SLC12A8: variants seen among roughly 807,000 people sequenced by gnomAD.
SLC12A8 encodes the protein solute carrier family 12 member 8, also known as cation-chloride cotransporter 9.
In SLC12A8, 69 loss-of-function variants were observed where a neutral mutation model predicts 75.6. That is an observed-to-expected ratio of 0.91 (90% confidence interval 0.75 to 1.11). The LOEUF (loss-of-function observed/expected upper bound fraction) is 1.11, where lower values mean the gene tolerates loss of function less well. SLC12A8 is among the 50% of genes most tolerant of loss of function. The pLI, the probability that SLC12A8 is intolerant of heterozygous loss-of-function variation, is 0.00. For missense variants in SLC12A8, 877 were observed against 896.7 expected (o/e 0.98, Z 0.28); for synonymous variants, 365 against 372.8 (o/e 0.98, Z 0.24).
chr3:125,139,561 C>T (rs534682613), intron 5 of SLC12A8, among the ~76,000 whole-genome samples: 1 of 152,216 alleles, frequency 6.6e-6, no homozygotes, highest in Non-Finnish European at 1.5e-5. Context: ...GGTCCCCATC[C>T]TGCCTGCTGG....
At chr3:125,091,624 T>A in intron 11 of SLC12A8, 68 bp from the exon 12 acceptor site, 1 of 1,011,134 alleles carries the variant, frequency 9.9e-7, no homozygotes, top group South Asian at 1.3e-5. Flanking sequence ...GCCACAAGGC[T>A]AATGTCTTCA....
Position 125,134,098 on chromosome 3 carries a change from G to A in SLC12A8, c.736+1571C>T, listed in dbSNP as rs564955077. ...ATTCACCTATATTGTTGTGTGTATC[G>A]ATAGTTATTTTTCTTTGTTTAGAGA... On this transcript the variant is annotated intron_variant, in intron 6 of 13. Coordinates refer to ENST00000469902, the MANE Select transcript of SLC12A8 (RefSeq NM_024628.6). Among the ~76,000 whole-genome samples the A allele has an allele frequency of 3.7e-4, 56 of 151,744 alleles. 1 individual carries two copies. Among genetic ancestry groups the A allele is most frequent in the African/African-American group, 1.3e-3 (54 of 41,336 alleles).
chr3:125,187,393 C>T lies in SLC12A8; in HGVS notation c.234G>A (p.Val78=). Residue 78 remains valine (V), a synonymous_variant, in exon 4 of 14, where the codon GTG becomes GTA. Transcript: ENST00000469902. ...NTGVLLGMFL[V]SFVILVALVT... is the part of the protein sequence containing the mutation. The stretch of plus-strand genomic sequence containing the variant: ...CGAGGGCCACCAGGATGACGAAGGA[C>T]ACCAGGAACATGCCCAGGAGCACTC... The T allele has an allele frequency of 1.2e-6, 2 of 1,614,194 alleles. No homozygotes were observed. The highest frequency in any genetic ancestry group is 8.5e-7 in the Non-Finnish European group (1 of 1,180,036).
intron 5 of SLC12A8, among the ~76,000 whole-genome samples, chr3:125,149,701 G>A (rs1347982044): frequency 1.3e-5 from 2 of 152,094 alleles, no homozygotes; most frequent in Non-Finnish European, 2.9e-5. Flanking sequence ...GGGAGAGAAA[G>A]AGAAGAAATG....
intron 2 of SLC12A8, among the ~76,000 whole-genome samples, chr3:125,195,819 C>T (rs963891009): frequency 6.6e-6 from 1 of 152,168 alleles, no homozygotes; most frequent in African/African-American, 2.4e-5. Context: ...TGGCAAATGA[C>T]AAAACCCCAC....
intron 5 of SLC12A8, among the ~76,000 whole-genome samples, chr3:125,145,005 G>T (rs1428084238): frequency 6.6e-6 from 1 of 152,154 alleles, no homozygotes; most frequent in East Asian, 1.9e-4. Flanking sequence ...TCCTACCCAA[G>T]AAACAAAGCA....
At chr3:125,193,377 A>T (rs534230438) in intron 2 of SLC12A8, among the ~76,000 whole-genome samples, 36 of 152,274 alleles carry the variant, frequency 2.4e-4, no homozygotes, top group African/African-American at 8.2e-4. Context: ...CTCAAAAAAA[A>T]AGAAGTAGCA....
In SLC12A8 at chr3:125,120,633, T is replaced by A. The variant is rs756074195; in HGVS notation, c.790A>T (p.Ile264Phe). ...ACAGCTGCCAGGGAGCCCAGGGGAA[T>A]GCTGGCGGCAGGCTCCCTGAGGTCG... ...GGDLREPAAS[I>F]PLGSLAAVGI... Residue 264 changes from isoleucine (I) to phenylalanine (F), a missense_variant, in exon 7 of 14, where the codon ATT becomes TTT. By Grantham distance (21) the Ile-to-Phe change is conservative. Coordinates refer to ENST00000469902, the MANE Select transcript of SLC12A8 (RefSeq NM_024628.6). 3.2e-5 allele frequency: 51 copies of A among 1,613,572 alleles called. No individual in the cohort carries two copies. Among genetic ancestry groups the A allele is most frequent in the African/African-American group, 5.3e-5 (4 of 74,868 alleles).
chr3:125,141,733 G>A (rs1014419926), intron 5 of SLC12A8, among the ~76,000 whole-genome samples: 6 of 152,156 alleles, frequency 3.9e-5, no homozygotes, highest in African/African-American at 1.4e-4. Flanking sequence ...TTCCGGCGGC[G>A]CTCTCTTCTG....
intron 8 of SLC12A8, among the ~76,000 whole-genome samples, chr3:125,114,455 C>T (rs577701104): frequency 8.5e-5 from 13 of 152,320 alleles, no homozygotes; most frequent in African/African-American, 7.2e-5. Context: ...GACAGAGTTT[C>T]GCACTGTTGC....
At chr3:125,157,211 T>C (rs1446667918) in intron 5 of SLC12A8, among the ~76,000 whole-genome samples, 1 of 152,186 alleles carries the variant, frequency 6.6e-6, no homozygotes, top group African/African-American at 2.4e-5. Context: ...TTAATAAAAA[T>C]AAGTTAAAAT....
At chr3:125,187,092 A>C (rs951049093) in intron 4 of SLC12A8, 145 bp downstream of exon 4, 1 of 748,008 alleles carries the variant, frequency 1.3e-6, no homozygotes, top group Non-Finnish European at 2.2e-6. Context: ...CTCTCTGCTG[A>C]ATTCCCTTCA....
intron 4 of SLC12A8, among the ~76,000 whole-genome samples, chr3:125,186,861 C>T (rs553296845): frequency 4.5e-4 from 68 of 152,230 alleles, no homozygotes; most frequent in Non-Finnish European, 9.1e-4. Flanking sequence ...GGCAAAATAC[C>T]CATCTTCAGT....
At chr3:125,093,042 T>C (rs1938625394) in intron 10 of SLC12A8, among the ~76,000 whole-genome samples, 1 of 152,182 alleles carries the variant, frequency 6.6e-6, no homozygotes, top group Admixed American at 6.5e-5. Context: ...TATGTCAATG[T>C]GTACACATTA....
At chr3:125,148,147 T>A (rs1373405042) in intron 5 of SLC12A8, among the ~76,000 whole-genome samples, 1 of 152,180 alleles carries the variant, frequency 6.6e-6, no homozygotes, top group East Asian at 1.9e-4. Context: ...CTCTGACAAC[T>A]GTAGTATATG....
At chr3:125,152,033 T>G (rs998897837) in intron 5 of SLC12A8, among the ~76,000 whole-genome samples, 1 of 152,222 alleles carries the variant, frequency 6.6e-6, no homozygotes, top group Non-Finnish European at 1.5e-5. Flanking sequence ...GAGCCAGGAC[T>G]AAAATCCAGG....
chr3:125,166,978 C>T (rs142770951), intron 5 of SLC12A8, among the ~76,000 whole-genome samples: 74 of 152,068 alleles, frequency 4.9e-4, no homozygotes, highest in African/African-American at 1.7e-3. Flanking sequence ...AGGACGGGGT[C>T]GGTGAAGGTA....
intron 6 of SLC12A8, among the ~76,000 whole-genome samples, chr3:125,124,931 C>A (rs375462886): frequency 6.6e-6 from 1 of 152,064 alleles, no homozygotes; most frequent in African/African-American, 2.4e-5. Context: ...AGCATTAGTG[C>A]CCAGGTGTTT....
At chr3:125,191,802 G>C (rs975827704) in intron 2 of SLC12A8, among the ~76,000 whole-genome samples, 20 of 152,146 alleles carry the variant, frequency 1.3e-4, no homozygotes, top group Non-Finnish European at 2.9e-5. Context: ...AATACTCAGG[G>C]ATCTCAATTC....
Sources: gnomAD v4.1 joint callset for allele counts (sites outside exome capture counted in the v4.1 genomes callset) on GRCh38, gnomAD v4.1.1 for gene constraint, MANE v1.5 for transcripts, NCBI Gene and HGNC (gene_info 2026-07-23, HGNC 2026-07-21) for gene names.